ADGRG5: variants seen among roughly 807,000 people sequenced by gnomAD.
ADGRG5 encodes the protein G protein-coupled receptor 114.
A neutral mutation model predicts 53.2 loss-of-function variants in ADGRG5; 37 were observed. The ratio of observed to expected loss-of-function variants is 0.70; its 90% CI spans 0.53 to 0.91. The LOEUF is 0.91. Among genes scored for constraint, ADGRG5 ranks in the 40% least tolerant of loss-of-function variants. ADGRG5 has a pLI of 0.00. For missense variants in ADGRG5, 614 were observed against 675.8 expected, an observed-to-expected ratio of 0.91 and a Z score of 1.01; for synonymous variants, 277 against 290.4, an observed-to-expected ratio of 0.95 and a Z score of 0.47.
chr16:57,532,698 GAC>G, the ADGRG5 span, among the ~76,000 whole-genome samples: 16,536 of 148,060 alleles, frequency 0.11, 997 homozygotes, highest in African/African-American at 0.17. Flanking sequence ...AAGTGAAGCA[GAC>G]ACACACACAC....
rs1596790090 is a variant in ADGRG5, at chr16:57,565,290, AAGAG to A, written c.546+148_546+151del. 4 of 660,924 alleles carry A rather than the reference AAGAG, an allele frequency of 6.1e-6. 1 individual carries two copies. The allele number at this position is 660,924 out of a possible 1,614,324, so 40.9% of individuals were successfully genotyped here. On this transcript the variant is annotated intron_variant, in intron 6 of 11. Transcript: ENST00000349457. Reference sequence around the variant, plus strand: ...CTTTGAAAATTCCTGCTCAAGAAATAAGAGAGAGAGAAGTTTTTACTCATGCATT... The same window carrying A: ...CTTTGAAAATTCCTGCTCAAGAAATAAGAGAGAAGTTTTTACTCATGCATT...
At position 57,575,697 on chromosome 16, in the gene ADGRG5, G is replaced by T; in HGVS notation, c.*159G>T. Reference sequence around the variant, plus strand: ...CTTCCACGGCCTCTCCAGGCACTGAGGGGAAGGCATTGCTCTACCTCTCCC... The same window carrying T: ...CTTCCACGGCCTCTCCAGGCACTGATGGGAAGGCATTGCTCTACCTCTCCC... On this transcript the variant is annotated 3_prime_UTR_variant, in exon 12 of 12. Transcript: ENST00000349457. 1 of 609,624 alleles carries T rather than the reference G, an allele frequency of 1.6e-6. No homozygotes were observed. The highest frequency in any genetic ancestry group is 2.9e-5 in the Admixed American group (1 of 34,860). The allele number at this position is 609,624 out of a possible 1,614,324, so 37.8% of individuals were successfully genotyped here.
At chr16:57,566,153 C>G (rs1431134221) in intron 6 of ADGRG5, 1 of 155,686 alleles carries the variant, frequency 6.4e-6, no homozygotes, top group African/African-American at 2.4e-5. Flanking sequence ...ACTTCTCCAC[C>G]CACGTGGCTT....
intron 8 of ADGRG5, 63 bp from the exon 9 acceptor site, chr16:57,567,793 C>G (rs1460737207): frequency 1.3e-6 from 2 of 1,548,402 alleles, no homozygotes; most frequent in African/African-American, 2.7e-5. Context: ...ACCTATGCAC[C>G]CAGTGGGTAG....
intron 1 of ADGRG5, among the ~76,000 whole-genome samples, chr16:57,553,683 A>G (rs1414486139): frequency 6.6e-6 from 1 of 152,176 alleles, no homozygotes; most frequent in Non-Finnish European, 1.5e-5. Context: ...TTTTACATAT[A>G]AATTTTACAG....
At chr16:57,535,445 C>G in the ADGRG5 span, among the ~76,000 whole-genome samples, 1 of 152,172 alleles carries the variant, frequency 6.6e-6, no homozygotes, top group Non-Finnish European at 1.5e-5. Flanking sequence ...GTGTCCACAC[C>G]GCGGACCAGC....
intron 7 of ADGRG5, among the ~76,000 whole-genome samples, 195 bp downstream of exon 7, chr16:57,566,946 G>A (rs761875081): frequency 5.9e-5 from 9 of 152,212 alleles, no homozygotes; most frequent in Non-Finnish European, 1.3e-4. Context: ...TCCACGGGCT[G>A]ATCACTAAGA....
At chr16:57,566,828 G>A (rs1328180464) in intron 7 of ADGRG5, 77 bp downstream of exon 7, 10 of 1,278,382 alleles carry the variant, frequency 7.8e-6, no homozygotes, top group Admixed American at 5.9e-5. Context: ...GCAAAAGCTG[G>A]TGCAAGGGAC....
At chr16:57,550,796 G>A (rs191219612) in intron 1 of ADGRG5, among the ~76,000 whole-genome samples, 110 of 152,246 alleles carry the variant, frequency 7.2e-4, no homozygotes, top group African/African-American at 2.5e-3. Context: ...TTGGGAGGCC[G>A]AGGCGGGCGG....
chr16:57,552,026 A>G, intron 1 of ADGRG5, among the ~76,000 whole-genome samples: 1 of 112,202 alleles, frequency 8.9e-6, no homozygotes, highest in South Asian at 2.9e-4. Context: ...TTTGAAATAA[A>G]TCTTTTTTTT....
chr16:57,537,195 C>G, the ADGRG5 span, among the ~76,000 whole-genome samples: 1 of 152,114 alleles, frequency 6.6e-6, no homozygotes, highest in Non-Finnish European at 1.5e-5. Flanking sequence ...TTCGGGGACG[C>G]CCAGCTGTTT....
chr16:57,570,105 C>T (rs1163567340), intron 9 of ADGRG5, among the ~76,000 whole-genome samples: 1 of 152,186 alleles, frequency 6.6e-6, no homozygotes, highest in Non-Finnish European at 1.5e-5. Context: ...CCGTCCTTGC[C>T]CCTTTCTTGC....
chr16:57,540,648 T>C (rs1328447008), upstream of ADGRG5, among the ~76,000 whole-genome samples: 1 of 152,168 alleles, frequency 6.6e-6, no homozygotes, highest in African/African-American at 2.4e-5. Flanking sequence ...GCTGGAGGGC[T>C]TCCCAGGTAC....
chr16:57,535,175 A>C, the ADGRG5 span, among the ~76,000 whole-genome samples: 7 of 152,306 alleles, frequency 4.6e-5, no homozygotes, highest in Middle Eastern at 6.8e-3. Context: ...TGGTCAGCCC[A>C]CAGACTGCGG....
At chr16:57,553,513 C>T (rs2032801007) in intron 1 of ADGRG5, among the ~76,000 whole-genome samples, 1 of 152,138 alleles carries the variant, frequency 6.6e-6, no homozygotes, top group South Asian at 2.1e-4. Context: ...AATTTTTGGA[C>T]TCTCTATTCT....
At chr16:57,575,135 G>T (rs1223775837) in intron 11 of ADGRG5, 43 bp downstream of exon 11, 6 of 1,576,454 alleles carry the variant, frequency 3.8e-6, no homozygotes, top group Admixed American at 1.7e-5. Flanking sequence ...CTGGCAGGGG[G>T]TGTATGGCTG....
At chr16:57,575,172 C>T in intron 11 of ADGRG5, 80 bp downstream of exon 11, 2 of 1,485,094 alleles carry the variant, frequency 1.3e-6, no homozygotes, top group Non-Finnish European at 1.8e-6. Flanking sequence ...TAAAGGGGTT[C>T]AGGTGAAGGG....
At chr16:57,536,625 G>A in the ADGRG5 span, 1 of 152,168 alleles carries the variant, frequency 6.6e-6, no homozygotes, top group Non-Finnish European at 1.5e-5. Context: ...CTCCCTCCCG[G>A]GGGGAGGGGA....
chr16:57,572,691 A>G (rs2033396140), intron 10 of ADGRG5, among the ~76,000 whole-genome samples: 2 of 152,236 alleles, frequency 1.3e-5, no homozygotes, highest in African/African-American at 4.8e-5. Flanking sequence ...ACTCCGTCTC[A>G]AAAAACAAAA....
Sources: gnomAD v4.1 joint callset for allele counts (sites outside exome capture counted in the v4.1 genomes callset) on GRCh38, gnomAD v4.1.1 for gene constraint, MANE v1.5 for transcripts, NCBI Gene and HGNC (gene_info 2026-07-23, HGNC 2026-07-21) for gene names.